The following RANBP17 variants were observed in gnomAD, a reference collection of about 807,000 sequenced individuals.
RANBP17 encodes the protein ran-binding protein 17.
A neutral mutation model predicts 141.2 loss-of-function variants in RANBP17; 158 were observed. The observed-to-expected ratio is 1.12, with a 90% CI of 0.98 to 1.28. The LOEUF is 1.28. RANBP17 is among the 50% of genes most tolerant of loss of function. RANBP17 has a pLI of 0.00. For missense variants in RANBP17, 1,438 were observed against 1,290.7 expected (o/e 1.11, Z -1.75); for synonymous variants, 430 against 450.0 (o/e 0.96, Z 0.56).
intron 16 of RANBP17, among the ~76,000 whole-genome samples, chr5:171,175,890 T>A (rs1427580005): frequency 6.6e-6 from 1 of 152,028 alleles, no homozygotes; most frequent in Non-Finnish European, 1.5e-5. Context: ...GCTAGCTACA[T>A]AATTTGCAGG....
At chr5:170,868,009 G>T (rs1767414392) in intron 1 of RANBP17, among the ~76,000 whole-genome samples, 1 of 152,112 alleles carries the variant, frequency 6.6e-6, no homozygotes, top group East Asian at 1.9e-4. Flanking sequence ...TTCACCTGTT[G>T]ATAGTTGCAT....
intron 14 of RANBP17, among the ~76,000 whole-genome samples, chr5:171,105,708 A>T (rs1201163796): frequency 3.2e-5 from 4 of 124,160 alleles, no homozygotes; most frequent in Non-Finnish European, 7.0e-5. Context: ...ACAGAGTGAG[A>T]ACTTGTCTCA....
intron 14 of RANBP17, among the ~76,000 whole-genome samples, chr5:171,089,584 C>T (rs201437768): frequency 9.9e-4 from 148 of 149,336 alleles, no homozygotes; most frequent in East Asian, 3.1e-3. Context: ...AGTTTGATCT[C>T]AGACTGCTGT....
intron 23 of RANBP17, 96 bp from the exon 24 acceptor site, chr5:171,242,586 T>A: frequency 1.5e-6 from 2 of 1,305,152 alleles, no homozygotes; most frequent in Non-Finnish European, 1.1e-6. Flanking sequence ...TAAATAAGTT[T>A]ACAATTTCCA....
At chr5:171,003,629 A>G (rs1779377426) in intron 14 of RANBP17, among the ~76,000 whole-genome samples, 1 of 152,130 alleles carries the variant, frequency 6.6e-6, no homozygotes, top group Non-Finnish European at 1.5e-5. Context: ...TCCTGTTGAG[A>G]AGATTGAAAG....
intron 14 of RANBP17, among the ~76,000 whole-genome samples, chr5:171,016,546 T>C (rs1780446280): frequency 6.6e-6 from 1 of 152,096 alleles, no homozygotes; most frequent in African/African-American, 2.4e-5. Flanking sequence ...TTTTTGTTGT[T>C]GTTATACTTT....
chr5:171,202,827 CTTCTTT>C (rs1762368817), intron 19 of RANBP17, among the ~76,000 whole-genome samples: 1 of 152,152 alleles, frequency 6.6e-6, no homozygotes, highest in Non-Finnish European at 1.5e-5. Flanking sequence ...GACCCTTCAC[CTTCTTT>C]TTCTTTGTTG....
intron 12 of RANBP17, among the ~76,000 whole-genome samples, chr5:170,947,490 G>A (rs929132436): frequency 6.6e-6 from 1 of 151,700 alleles, no homozygotes; most frequent in African/African-American, 2.4e-5. Context: ...AAGGAAAGAA[G>A]ATAGGAAATG....
intron 13 of RANBP17, among the ~76,000 whole-genome samples, chr5:170,967,145 C>T (rs1223222015): frequency 6.6e-6 from 1 of 152,042 alleles, no homozygotes; most frequent in East Asian, 1.9e-4. Flanking sequence ...GTGTAAAGAG[C>T]TCTAAGATTC....
At chr5:171,042,006 T>C (rs970550229) in intron 14 of RANBP17, among the ~76,000 whole-genome samples, 2 of 152,142 alleles carry the variant, frequency 1.3e-5, no homozygotes, top group Non-Finnish European at 2.9e-5. Context: ...TAGTCTTCTG[T>C]ACCTGTGTTA....
intron 14 of RANBP17, among the ~76,000 whole-genome samples, chr5:171,004,930 T>A (rs1001704441): frequency 2.0e-5 from 3 of 152,070 alleles, no homozygotes; most frequent in African/African-American, 7.2e-5. Context: ...ATGCTAGAGA[T>A]GTGGTTGTGG....
chr5:170,999,928 A>G (rs1561972434), intron 14 of RANBP17, among the ~76,000 whole-genome samples: 1 of 152,164 alleles, frequency 6.6e-6, no homozygotes. Flanking sequence ...CTTGGCAACT[A>G]CCATTCTAGT....
intron 1 of RANBP17, among the ~76,000 whole-genome samples, chr5:170,871,676 A>G (rs1004886903): frequency 6.6e-6 from 1 of 152,196 alleles, no homozygotes; most frequent in Non-Finnish European, 1.5e-5. Context: ...TCTTTAATCC[A>G]TCTTGAGTTA....
intron 14 of RANBP17, among the ~76,000 whole-genome samples, chr5:171,123,873 C>T (rs897202872): frequency 2.6e-5 from 4 of 152,186 alleles, no homozygotes; most frequent in Non-Finnish European, 4.4e-5. Context: ...ACCAACACTA[C>T]AGAAACTATT....
chr5:170,999,492 T>C (rs1035023063), intron 14 of RANBP17, among the ~76,000 whole-genome samples: 8 of 152,144 alleles, frequency 5.3e-5, no homozygotes, highest in Non-Finnish European at 7.4e-5. Flanking sequence ...TATAATGCTA[T>C]TAAACTATAA....
At chr5:171,025,041 GTC>G (rs1312420589) in intron 14 of RANBP17, among the ~76,000 whole-genome samples, 2 of 152,108 alleles carry the variant, frequency 1.3e-5, no homozygotes, top group African/African-American at 2.4e-5. Context: ...TATTGCTTAT[GTC>G]AGTACTCTGG....
intron 26 of RANBP17, among the ~76,000 whole-genome samples, 163 bp downstream of exon 26, chr5:171,294,144 C>G (rs558726883): frequency 6.6e-6 from 1 of 152,258 alleles, no homozygotes; most frequent in African/African-American, 2.4e-5. Context: ...CAAGGCCCTT[C>G]CCCAAAGGCC....
rs576735921 is a variant in RANBP17, at chr5:170,923,847, A to G, written c.1275-510A>G. On this transcript the variant is annotated intron_variant, in intron 11 of 27. Transcript: ENST00000523189. ...ATTTTGTATATTGACCTCGTATGCT[A>G]TGACCTTAGTTAAACTTACCTATTA... Among the ~76,000 whole-genome samples, 98 of 152,210 alleles carry G rather than the reference A, an allele frequency of 6.4e-4. 2 individuals are homozygous for G. Among genetic ancestry groups the G allele is most frequent in the East Asian group, 2.5e-3 (13 of 5,184 alleles).
chr5:171,035,729 CTTTTTTTGTT>C (rs1246965962), intron 14 of RANBP17, among the ~76,000 whole-genome samples: 1 of 72,396 alleles, frequency 1.4e-5, no homozygotes, highest in Admixed American at 1.2e-4. Context: ...CTGTTTGTTT[CTTTTTTTGTT>C]TTTTTTTTTT....
Sources: gnomAD v4.1 joint callset for allele counts (sites outside exome capture counted in the v4.1 genomes callset) on GRCh38, gnomAD v4.1.1 for gene constraint, MANE v1.5 for transcripts, NCBI Gene and HGNC (gene_info 2026-07-23, HGNC 2026-07-21) for gene names.